Variants in HTR2A observed in about 807,000 individuals in gnomAD.
HTR2A encodes the protein 5-HT2 receptor.
Under a neutral mutation model 31.0 loss-of-function variants are expected in HTR2A, and 14 were observed. That is an observed-to-expected ratio of 0.45 (90% CI 0.30 to 0.71). HTR2A has a LOEUF of 0.71. Ranked by LOEUF, HTR2A falls within the 30% of genes least tolerant of loss-of-function variation. The probability of loss-of-function intolerance (pLI) is 0.09; values close to 1 mark genes in which losing one functional copy is unlikely to be tolerated. For synonymous variants in HTR2A, 209 were observed against 225.2 expected (o/e 0.93, Z 0.64); for missense variants, 442 against 573.3 (o/e 0.77, Z 2.34).
intron 3 of HTR2A, among the ~76,000 whole-genome samples, chr13:46,870,510 G>A (rs1189916163): frequency 6.6e-6 from 1 of 152,138 alleles, no homozygotes. Flanking sequence ...GTATGTGGCA[G>A]ACAAAATATG....
intron 3 of HTR2A, among the ~76,000 whole-genome samples, chr13:46,845,000 A>T (rs543797048): frequency 8.2e-4 from 124 of 150,718 alleles, no homozygotes; most frequent in Non-Finnish European, 1.4e-3. Context: ...ACATTTCATG[A>T]TGTCTAAGAT....
chr13:46,870,837 C>T (rs188877343), intron 3 of HTR2A, among the ~76,000 whole-genome samples: 1 of 152,210 alleles, frequency 6.6e-6, no homozygotes, highest in Admixed American at 6.5e-5. Context: ...TGGGATCTCA[C>T]TAAATATTCT....
At chr13:46,897,130 G>A (rs1203272752), upstream of HTR2A, 4 of 282,470 alleles carry the variant, frequency 1.4e-5, no homozygotes, top group Admixed American at 5.4e-5. Context: ...CCAGGAGGGC[G>A]GACCAAACAG....
At chr13:46,845,652 AAAAAAAAAG>A (rs1950636247) in intron 3 of HTR2A, among the ~76,000 whole-genome samples, 1 of 151,402 alleles carries the variant, frequency 6.6e-6, no homozygotes, top group African/African-American at 2.4e-5. Flanking sequence ...CCAAAAAAAA[AAAAAAAAAG>A]AAAAAAAGAC....
chr13:46,879,168 T>A (rs1481924859), intron 3 of HTR2A, among the ~76,000 whole-genome samples: 1 of 152,192 alleles, frequency 6.6e-6, no homozygotes, highest in Non-Finnish European at 1.5e-5. Context: ...CTCCTGCCTA[T>A]GCTCTGTATT....
At chr13:46,838,083 C>T (rs1159577347) in intron 3 of HTR2A, among the ~76,000 whole-genome samples, 2 of 152,148 alleles carry the variant, frequency 1.3e-5, no homozygotes, top group Non-Finnish European at 1.5e-5. Flanking sequence ...GCTTATCCTT[C>T]GGAAAACTCT....
At chr13:46,889,554 A>ACT (rs1951034251) in intron 3 of HTR2A, among the ~76,000 whole-genome samples, 1 of 152,152 alleles carries the variant, frequency 6.6e-6, no homozygotes, top group South Asian at 2.1e-4. Context: ...TGTCATACAA[A>ACT]CTCAATATTC....
At chr13:46,839,176 G>A (rs1593425267) in intron 3 of HTR2A, among the ~76,000 whole-genome samples, 1 of 152,066 alleles carries the variant, frequency 6.6e-6, no homozygotes, top group African/African-American at 2.4e-5. Context: ...ATTTGGAAGT[G>A]GAGAATCAAG....
At chr13:46,881,018 C>T (rs1317754091) in intron 3 of HTR2A, among the ~76,000 whole-genome samples, 1 of 152,196 alleles carries the variant, frequency 6.6e-6, no homozygotes, top group Non-Finnish European at 1.5e-5. Context: ...AGTCAGCTGC[C>T]ACTCTGGCAG....
intron 3 of HTR2A, among the ~76,000 whole-genome samples, chr13:46,853,073 GT>G (rs1566304927): frequency 6.6e-6 from 1 of 151,722 alleles, no homozygotes; most frequent in East Asian, 1.9e-4. Flanking sequence ...TGGTCTGCTT[GT>G]TGTCAGTATC....
chr13:46,862,060 T>C (rs568181718), intron 3 of HTR2A, among the ~76,000 whole-genome samples: 1 of 152,350 alleles, frequency 6.6e-6, no homozygotes, highest in African/African-American at 2.4e-5. Flanking sequence ...TGTTAATTTC[T>C]TACATAACAA....
chr13:46,868,556 T>C (rs1441804980), intron 3 of HTR2A, among the ~76,000 whole-genome samples: 1 of 152,194 alleles, frequency 6.6e-6, no homozygotes, highest in Non-Finnish European at 1.5e-5. Context: ...TTAGCACTCT[T>C]ACAGATATAT....
At chr13:46,887,480 G>A (rs9534506) in intron 3 of HTR2A, among the ~76,000 whole-genome samples, 5,925 of 145,274 alleles carry the variant, frequency 0.041, 163 homozygotes, top group South Asian at 0.097. Context: ...AAAATTACCA[G>A]ACATATCAAC....
At position 46,896,990 on chromosome 13, in the gene HTR2A, G is replaced by A. The variant is rs1425592431; in HGVS notation, c.-645C>T. On this transcript the variant is annotated 5_prime_UTR_variant, in exon 1 of 4. Transcript: ENST00000542664. The stretch of plus-strand genomic sequence containing the variant: ...AAAGTCGCACAAAAGAACTGCATGG[G>A]AAAGTAGGAAGAGCTGTCTGCACCA... The A allele has an allele frequency of 1.1e-5, 7 of 630,036 alleles. No individual in the cohort carries two copies. Among genetic ancestry groups the A allele is most frequent in the African/African-American group, 3.7e-5 (2 of 54,044 alleles). 39.0% of individuals were successfully genotyped at this position (630,036 alleles called of 1,614,324 possible).
chr13:46,855,568 C>T (rs1283905339), intron 3 of HTR2A, among the ~76,000 whole-genome samples: 2 of 151,910 alleles, frequency 1.3e-5, no homozygotes, highest in African/African-American at 4.8e-5. Context: ...GCTTCCGGGA[C>T]ATTCTTCATT....
At chr13:46,859,754 G>A (rs1430110930) in intron 3 of HTR2A, among the ~76,000 whole-genome samples, 4 of 152,094 alleles carry the variant, frequency 2.6e-5, no homozygotes, top group Middle Eastern at 3.2e-3. Flanking sequence ...ACCGTGAGCC[G>A]ATTAAACCGC....
rs770190084 is a variant in HTR2A at position 46,832,638 on chromosome 13, A to G, written c.*2199T>C. 2.0e-5 allele frequency: 3 copies of G among 152,218 alleles called. No individual in the cohort carries two copies. Among genetic ancestry groups the G allele is most frequent in the Non-Finnish European group, 2.9e-5 (2 of 68,016 alleles). 9.4% of individuals were successfully genotyped at this position (152,218 alleles called of 1,614,324 possible). On this transcript the variant is annotated 3_prime_UTR_variant, in exon 4 of 4. Coordinates refer to ENST00000542664, the MANE Select transcript of HTR2A (RefSeq NM_000621.5). ...TTATATTTTCATCAGTTAGTATGGTATATCATAAGGAGTAGTTCAGTTCAA... is the reference window on the plus strand; with the variant it reads ...TTATATTTTCATCAGTTAGTATGGTGTATCATAAGGAGTAGTTCAGTTCAA...
intron 3 of HTR2A, among the ~76,000 whole-genome samples, chr13:46,883,935 C>T (rs1397176129): frequency 6.6e-6 from 1 of 152,138 alleles, no homozygotes; most frequent in Non-Finnish European, 1.5e-5. Context: ...GTGAAGTGAC[C>T]ACACTGATAA....
At chr13:46,848,955 A>C (rs1261357985) in intron 3 of HTR2A, among the ~76,000 whole-genome samples, 1 of 152,226 alleles carries the variant, frequency 6.6e-6, no homozygotes, top group Admixed American at 6.5e-5. Flanking sequence ...TGAAAATAAC[A>C]AAACCTCCAC....
Sources: gnomAD v4.1 joint callset for allele counts (sites outside exome capture counted in the v4.1 genomes callset) on GRCh38, gnomAD v4.1.1 for gene constraint, MANE v1.5 for transcripts, NCBI Gene and HGNC (gene_info 2026-07-23, HGNC 2026-07-21) for gene names.